The following DYNC1H1 variants were observed in gnomAD, a reference collection of about 807,000 sequenced individuals.
The protein encoded by DYNC1H1 is cytoplasmic dynein 1 heavy chain 1.
In DYNC1H1, 51 loss-of-function variants were observed where a neutral mutation model predicts 527.1. That is an observed-to-expected ratio of 0.10 (90% CI 0.08 to 0.12). DYNC1H1 has a LOEUF of 0.12. DYNC1H1 is among the 10% of genes least tolerant of loss of function. The pLI is 1.00. For missense variants in DYNC1H1, 2,771 were observed against 5,971.8 expected (o/e 0.46, Z 17.66); for synonymous variants, 2,189 against 2,278.8 (o/e 0.96, Z 1.12).
chr14:102,034,710 G>C lies in DYNC1H1; in HGVS notation c.10754+258G>C, dbSNP rs1056626000. ...GGGCCAGGCACAGTGGATCACGTGA[G>C]GTCAGGAGTTTGAGACCAGCCTGGC... On this transcript the variant is annotated intron_variant, in intron 56 of 77. Transcript: ENST00000360184. The C allele has an allele frequency of 5.2e-6, 3 of 582,446 alleles. No individual in the cohort carries two copies. The Admixed American group carries it at 8.7e-5, about 17-fold the overall frequency. The allele number at this position is 582,446 out of a possible 1,614,324, so 36.1% of individuals were successfully genotyped here.
intron 7 of DYNC1H1, among the ~76,000 whole-genome samples, chr14:101,984,429 GTGTATA>G (rs1184622881): frequency 6.5e-5 from 6 of 92,320 alleles, no homozygotes; most frequent in Non-Finnish European, 1.1e-4. Flanking sequence ...GTGTGTGTGT[GTGTATA>G]TATATATATA....
chr14:102,008,231 T>C lies in DYNC1H1; in HGVS notation c.5871T>C (p.Phe1957=). 6.2e-7 allele frequency: 1 copy of C among 1,614,196 alleles called. No individual in the cohort carries two copies. The highest frequency in any genetic ancestry group is 2.2e-5 in the East Asian group (1 of 44,878). Residue 1957 remains phenylalanine (F), a synonymous_variant, in exon 29 of 78, where the codon TTT becomes TTC. Transcript: ENST00000360184. The part of the protein sequence containing the change: ...GLCQVGAWGC[F]DEFNRLEERM... The stretch of plus-strand genomic sequence containing the variant: ...GCCAGGTGGGTGCCTGGGGCTGCTT[T>C]GACGAGTTCAACCGCCTGGAGGAGC...
At position 102,050,726 on chromosome 14, in the gene DYNC1H1, G is replaced by A; in HGVS notation, c.*163G>A. On this transcript the variant is annotated 3_prime_UTR_variant, in exon 78 of 78. Transcript: ENST00000360184. ...GGTTGGGAGTGGTGGAAATTGGAAGGATACCAGGAGGTATTTGGGAAGGCC... is the reference window on the plus strand; with the variant it reads ...GGTTGGGAGTGGTGGAAATTGGAAGAATACCAGGAGGTATTTGGGAAGGCC... 2 of 1,155,074 alleles carry A rather than the reference G, an allele frequency of 1.7e-6. No individual in the cohort carries two copies. Among genetic ancestry groups the A allele is most frequent in the Admixed American group, 4.0e-5 (2 of 49,674 alleles). 71.6% of individuals were successfully genotyped at this position (1,155,074 alleles called of 1,614,324 possible).
Position 102,005,118 on chromosome 14 carries a change from G to A in DYNC1H1, c.5315G>A (p.Gly1772Asp), listed in dbSNP as rs546844198. ...VETALSSMGG[G>D]GDAAPLHSVL... ...ACCGCACTGAGCAGCATGGGCGGAG[G>A]TGGAGATGCCGCGCCCTTGCACTCT... The change falls in exon 26 of 78, where the codon GGT (glycine) becomes GAT (aspartate). Residue 1772 changes from glycine (G) to aspartate (D), a missense_variant. By Grantham distance (94) the Gly-to-Asp change is moderately conservative. This residue lies in a region of DYNC1H1 where 105 missense variants were observed against 138.1 expected (regional missense o/e 0.76). Transcript: ENST00000360184. This position sits in a 1 kb window ranked among gnomAD's most constrained non-coding sequence, Gnocchi z 4.0. 9 of 1,614,198 alleles carry A rather than the reference G, an allele frequency of 5.6e-6. No homozygotes were observed. The highest frequency in any genetic ancestry group is 3.3e-5 in the South Asian group (3 of 91,086).
In DYNC1H1 at chr14:102,016,828, G is replaced by A. The variant is rs1407351808; in HGVS notation, c.7677G>A (p.Thr2559=). The change falls in exon 38 of 78, where the codon ACG becomes ACA. Residue 2559 remains threonine, a synonymous_variant. Coordinates refer to ENST00000360184, the MANE Select transcript of DYNC1H1 (RefSeq NM_001376.5). The surrounding 1 kb of genome is among the most constrained non-coding windows in gnomAD (Gnocchi z 7.3). ...AGGTGCCTCAGATTGAAGTGGAGAC[G>A]CACAAGGTGGCAGCCCCTGATGTCG... ...QAKVPQIEVE[T]HKVAAPDVVV... is the part of the protein sequence containing the mutation. 17 of 1,613,912 alleles carry A rather than the reference G, an allele frequency of 1.1e-5. No individual in the cohort carries two copies. Among genetic ancestry groups the A allele is most frequent in the African/African-American group, 6.7e-5 (5 of 74,944 alleles).
Position 102,039,113 on chromosome 14 carries a change from GAAGA to G in DYNC1H1, c.11320_11323del (p.Lys3774GlufsTer72). 1 of 1,614,228 alleles carries G rather than the reference GAAGA, an allele frequency of 6.2e-7. No individual in the cohort carries two copies. Among genetic ancestry groups the G allele is most frequent in the Non-Finnish European group, 8.5e-7 (1 of 1,180,036 alleles). On this transcript the variant is annotated frameshift_variant, in exon 60 of 78. Transcript: ENST00000360184. LOFTEE classifies it high-confidence loss of function. This position sits in a 1 kb window ranked among gnomAD's most constrained non-coding sequence, Gnocchi z 7.0. ...CGATCATAACCACTCTGGAGAACCT[GAAGA>G]GAGAGGCTGCAGAGGTCACCAGGAA...
In DYNC1H1 at chr14:102,028,074, C is replaced by T. The variant is rs905098104; in HGVS notation, c.9401C>T (p.Pro3134Leu). The change falls in exon 48 of 78, where the codon CCG (proline) becomes CTG (leucine). Residue 3134 changes from proline to leucine, a missense_variant. This residue lies in a region of DYNC1H1 where 67 missense variants were observed against 128.2 expected (regional missense o/e 0.52). Transcript: ENST00000360184. The stretch of plus-strand genomic sequence containing the variant: ...ATGCCAGTTGTGTATGATAAGCTGC[C>T]GCAGCCACCATCCCATCGGGAAGCC... ...DYMPVVYDKL[P>L]QPPSHREAIV... The T allele has an allele frequency of 3.1e-6, 5 of 1,614,152 alleles. No homozygotes were observed. Among genetic ancestry groups the T allele is most frequent in the African/African-American group, 1.3e-5 (1 of 75,026 alleles).
At chr14:101,987,713 A>G in intron 9 of DYNC1H1, 81 bp downstream of exon 9, 1 of 1,519,912 alleles carries the variant, frequency 6.6e-7, no homozygotes. Context: ...GTCACTAAAA[A>G]GCATTTTTCC....
chr14:102,006,953 A>G (rs1370749994), intron 27 of DYNC1H1, 55 bp from the exon 28 acceptor site: 3 of 1,573,644 alleles, frequency 1.9e-6, no homozygotes, highest in East Asian at 2.2e-5. Context: ...AAAGCTAAAG[A>G]TATGTTTTCA....
rs368831399 is a variant in DYNC1H1 at position 102,042,199 on chromosome 14, G to T, written c.12215-29G>T. Reference sequence around the variant, plus strand: ...GTGGGCATTGATGTCCGAGGCTGCCGCTGCTAACACTAAGTTTCCCTGCAC... The same window carrying T: ...GTGGGCATTGATGTCCGAGGCTGCCTCTGCTAACACTAAGTTTCCCTGCAC... On this transcript the variant is annotated intron_variant, in intron 66 of 77. Coordinates refer to ENST00000360184, the MANE Select transcript of DYNC1H1 (RefSeq NM_001376.5). The surrounding 1 kb of genome is among the most constrained non-coding windows in gnomAD (Gnocchi z 5.7). The T allele has an allele frequency of 6.4e-5, 103 of 1,613,864 alleles. 1 individual carries two copies. Among genetic ancestry groups the T allele is most frequent in the Non-Finnish European group, 8.6e-5 (102 of 1,180,028 alleles).
chr14:102,005,842 A>G lies in DYNC1H1; in HGVS notation c.5434-46A>G. On this transcript the variant is annotated intron_variant, in intron 26 of 77. Coordinates refer to ENST00000360184, the MANE Select transcript of DYNC1H1 (RefSeq NM_001376.5). This position sits in a 1 kb window ranked among gnomAD's most constrained non-coding sequence, Gnocchi z 4.0. ...TCCACAAACCCGGAGAATGCACTGT[A>G]TTGCTTTAGTGTAGATGAACTTTTA... The G allele has an allele frequency of 6.2e-7, 1 of 1,612,056 alleles. No homozygotes were observed. Among genetic ancestry groups the G allele is most frequent in the Non-Finnish European group, 8.5e-7 (1 of 1,178,396 alleles).
In DYNC1H1 at chr14:101,982,936, T is replaced by G. The variant is rs2047885419; in HGVS notation, c.962-83T>G. 5.3e-6 allele frequency: 8 copies of G among 1,517,300 alleles called. No individual in the cohort carries two copies. In the Admixed American group the frequency reaches 1.4e-4, roughly 27 times the overall value. The allele number at this position is 1,517,300 out of a possible 1,614,324, so 94.0% of individuals were successfully genotyped here. ...CGCTAGATATTTTGCAACATCAAAA[T>G]GTTCCATTGTAATGGCATATTTTAG... is the stretch of plus-strand genomic sequence containing the variant. On this transcript the variant is annotated intron_variant, in intron 5 of 77. Coordinates refer to ENST00000360184, the MANE Select transcript of DYNC1H1 (RefSeq NM_001376.5).
Position 102,036,838 on chromosome 14 carries a change from G to A in DYNC1H1, c.10908+196G>A. 1 of 664,026 alleles carries A rather than the reference G, an allele frequency of 1.5e-6. No individual in the cohort carries two copies. Among genetic ancestry groups the A allele is most frequent in the African/African-American group, 1.8e-5 (1 of 55,146 alleles). The allele number at this position is 664,026 out of a possible 1,614,324, so 41.1% of individuals were successfully genotyped here. A position where few individuals can be genotyped will look rare whatever the true frequency, so the allele number is the denominator to read the frequency against. On this transcript the variant is annotated intron_variant, in intron 57 of 77. Transcript: ENST00000360184. The surrounding 1 kb of genome is among the most constrained non-coding windows in gnomAD (Gnocchi z 5.6). ...TTCTATTCAGTGGTCGGGCGAGGTG[G>A]CTCACACCTGTAATCTCAGCACTTT...
chr14:102,034,109 A>G lies in DYNC1H1; in HGVS notation c.10547A>G (p.Tyr3516Cys). ...CTCTTGTCAGCTGCGTTCATTGCCT[A>G]CGCGGGTTACTTTGACCAGCAGATG... Reference protein sequence around the residue: ...DCLLSAAFIAYAGYFDQQMRQ... With the variant: ...DCLLSAAFIACAGYFDQQMRQ... Residue 3516 changes from tyrosine to cysteine, a missense_variant, in exon 55 of 78, where the codon TAC becomes TGC. By Grantham distance (194) the Tyr-to-Cys change is radical. Coordinates refer to ENST00000360184, the MANE Select transcript of DYNC1H1 (RefSeq NM_001376.5). 1.9e-6 allele frequency: 3 copies of G among 1,614,134 alleles called. No homozygotes were observed. Among genetic ancestry groups the G allele is most frequent in the Admixed American group, 1.7e-5 (1 of 60,024 alleles).
intron 27 of DYNC1H1, 99 bp from the exon 28 acceptor site, chr14:102,006,909 A>AT (rs1308068447): frequency 1.3e-5 from 18 of 1,390,888 alleles, no homozygotes; most frequent in Non-Finnish European, 1.7e-5. Context: ...CACTACTTGG[A>AT]TTTTTTAAAT....
rs1298846405 is a variant in DYNC1H1 at position 102,016,908 on chromosome 14, C to G, written c.7757C>G (p.Ala2586Gly). Residue 2586 changes from alanine (A) to glycine (G), a missense_variant, in exon 38 of 78, where the codon GCC becomes GGC. This residue lies in a region of DYNC1H1 where 71 missense variants were observed against 143.6 expected (regional missense o/e 0.49). Transcript: ENST00000360184. This position sits in a 1 kb window ranked among gnomAD's most constrained non-coding sequence, Gnocchi z 7.3. ...GAAGCCCTCTTGTACACTTGGCTGG[C>G]CGAACACAAGCCCCTGGTCTTGTGT... Reference protein sequence around the residue: ...RHEALLYTWLAEHKPLVLCGP... With the variant: ...RHEALLYTWLGEHKPLVLCGP... 1 of 1,614,234 alleles carries G rather than the reference C, an allele frequency of 6.2e-7. No individual in the cohort carries two copies. Among genetic ancestry groups the G allele is most frequent in the Non-Finnish European group, 8.5e-7 (1 of 1,180,050 alleles).
In DYNC1H1 at chr14:101,982,264, C is replaced by T. The variant is rs1348522743; in HGVS notation, c.962-755C>T. Among the ~76,000 whole-genome samples the T allele has an allele frequency of 2.0e-5, 3 of 152,094 alleles. No homozygotes were observed. In the East Asian group the frequency reaches 5.8e-4, roughly 29 times the overall value. On this transcript the variant is annotated intron_variant, in intron 5 of 77. Coordinates refer to ENST00000360184, the MANE Select transcript of DYNC1H1 (RefSeq NM_001376.5). Reference sequence around the variant, plus strand: ...TTGCAGGAAAACAAGCTCAGGGCTCCCACAGATTCTACATTATGGTGAGTA... The same window carrying T: ...TTGCAGGAAAACAAGCTCAGGGCTCTCACAGATTCTACATTATGGTGAGTA...
rs150687712 is a variant in DYNC1H1 at position 102,005,097 on chromosome 14, C to T, written c.5294C>T (p.Ala1765Val). ...GCCTGGTCTGAGAACGTGGAGACCG[C>T]ACTGAGCAGCATGGGCGGAGGTGGA... ...QIAWSENVET[A>V]LSSMGGGGDA... Residue 1765 changes from alanine to valine, a missense_variant, in exon 26 of 78, where the codon GCA becomes GTA. By Grantham distance (64) the Ala-to-Val change is moderately conservative. This residue lies in a region of DYNC1H1 where 105 missense variants were observed against 138.1 expected (regional missense o/e 0.76). Coordinates refer to ENST00000360184, the MANE Select transcript of DYNC1H1 (RefSeq NM_001376.5). This position sits in a 1 kb window ranked among gnomAD's most constrained non-coding sequence, Gnocchi z 4.0. 152 of 1,614,224 alleles carry T rather than the reference C, an allele frequency of 9.4e-5. No individual in the cohort carries two copies. In the African/African-American group the frequency reaches 1.6e-3, roughly 17 times the overall value.
chr14:101,988,605 G>GT, intron 9 of DYNC1H1, 98 bp from the exon 10 acceptor site: 1 of 1,513,638 alleles, frequency 6.6e-7, no homozygotes, highest in Non-Finnish European at 9.1e-7. Flanking sequence ...CCGGAACTGT[G>GT]TATCTTTTAT....
Sources: gnomAD v4.1 joint callset for allele counts (sites outside exome capture counted in the v4.1 genomes callset) on GRCh38, gnomAD v4.1.1 for gene constraint, gnomAD v4.1.1 regional missense constraint, Gnocchi (gnomAD v3.1) non-coding constraint, MANE v1.5 for transcripts, NCBI Gene and HGNC (gene_info 2026-07-23, HGNC 2026-07-21) for gene names.